Variants in CDH7 observed in about 807,000 individuals in gnomAD.
The protein encoded by CDH7 is cadherin-7.
Under a neutral mutation model 71.8 loss-of-function variants are expected in CDH7, and 25 were observed. The ratio of observed to expected loss-of-function variants is 0.35; its 90% CI spans 0.25 to 0.49. The LOEUF (loss-of-function observed/expected upper bound fraction) is 0.49, where lower values mean the gene tolerates loss of function less well. Among genes scored for constraint, CDH7 ranks in the 20% least tolerant of loss-of-function variants. The probability of loss-of-function intolerance (pLI) is 0.99; values close to 1 mark genes in which losing one functional copy is unlikely to be tolerated. For missense variants in CDH7, 862 were observed against 974.6 expected (o/e 0.88, Z 1.54); for synonymous variants, 381 against 363.8 (o/e 1.05, Z -0.54).
intron 4 of CDH7, among the ~76,000 whole-genome samples, chr18:65,815,227 A>G (rs925560542): frequency 6.6e-6 from 1 of 152,094 alleles, no homozygotes; most frequent in Non-Finnish European, 1.5e-5. Flanking sequence ...ATAACATGGG[A>G]CATTGTTATC....
chr18:65,786,566 G>C (rs1288311239), intron 2 of CDH7, among the ~76,000 whole-genome samples: 2 of 152,046 alleles, frequency 1.3e-5, no homozygotes, highest in East Asian at 3.9e-4. Flanking sequence ...TGTCTGTGAT[G>C]GGATTCAGCC....
At chr18:65,762,600 T>C in intron 1 of CDH7, 47 bp from the exon 2 acceptor site, 1 of 340,984 alleles carries the variant, frequency 2.9e-6, no homozygotes, top group South Asian at 8.6e-5. Flanking sequence ...CTAAATATTA[T>C]TATGTGTTTT....
At chr18:65,795,298 T>G (rs1910871777) in intron 2 of CDH7, among the ~76,000 whole-genome samples, 3 of 152,102 alleles carry the variant, frequency 2.0e-5, no homozygotes, top group Admixed American at 2.0e-4. Context: ...CAGTTGGCAC[T>G]TTTTTTCCCC....
intron 1 of CDH7, among the ~76,000 whole-genome samples, chr18:65,757,123 G>A (rs1389656606): frequency 6.6e-6 from 1 of 151,724 alleles, no homozygotes; most frequent in Non-Finnish European, 1.5e-5. Flanking sequence ...GAGCACGATA[G>A]TCACTTGATC....
intron 1 of CDH7, among the ~76,000 whole-genome samples, chr18:65,758,881 G>A (rs945770476): frequency 2.6e-5 from 4 of 152,140 alleles, no homozygotes; most frequent in African/African-American, 9.7e-5. Flanking sequence ...TACTTCAGTC[G>A]TAGATACTAC....
At chr18:65,758,673 G>C (rs1916103353) in intron 1 of CDH7, among the ~76,000 whole-genome samples, 2 of 152,202 alleles carry the variant, frequency 1.3e-5, no homozygotes, top group Admixed American at 1.3e-4. Context: ...AGCTCAAGAG[G>C]TTGGCAAATA....
At chr18:65,764,492 CTG>C (rs1257803508) in intron 2 of CDH7, among the ~76,000 whole-genome samples, 1 of 151,948 alleles carries the variant, frequency 6.6e-6, no homozygotes, top group Non-Finnish European at 1.5e-5. Context: ...TGCTAAATAT[CTG>C]TCTCACTCTC....
chr18:65,875,554 T>C (rs1490076138), intron 11 of CDH7, among the ~76,000 whole-genome samples: 1 of 152,196 alleles, frequency 6.6e-6, no homozygotes, highest in Admixed American at 6.6e-5. Context: ...TTTGGGAGAA[T>C]GATTCTATCC....
chr18:65,761,194 A>G (rs1346097040), intron 1 of CDH7, among the ~76,000 whole-genome samples: 1 of 152,184 alleles, frequency 6.6e-6, no homozygotes, highest in Admixed American at 6.5e-5. Flanking sequence ...CCTCTGGAAT[A>G]TCAAAACTTT....
intron 2 of CDH7, among the ~76,000 whole-genome samples, chr18:65,768,140 T>G (rs1916432226): frequency 6.6e-6 from 1 of 152,238 alleles, no homozygotes; most frequent in Non-Finnish European, 1.5e-5. Context: ...TTAACAATGT[T>G]TGTGTTTATG....
chr18:65,762,152 C>T (rs1354553753), intron 1 of CDH7, among the ~76,000 whole-genome samples: 45 of 152,280 alleles, frequency 3.0e-4, no homozygotes, highest in Admixed American at 6.5e-5. Flanking sequence ...TGCATCACCT[C>T]ATACTTCTTT....
chr18:65,766,885 T>TAAAAAAAAA lies in CDH7; in HGVS notation c.210+3862_210+3870dup, dbSNP rs61611288. Among the ~76,000 whole-genome samples, 8 of 88,624 alleles carry TAAAAAAAAA rather than the reference T, an allele frequency of 9.0e-5. 1 individual carries two copies. Among genetic ancestry groups the TAAAAAAAAA allele is most frequent in the Admixed American group, 4.5e-4 (3 of 6,594 alleles). The allele number at this position is 88,624 out of a possible 152,430, so 58.1% of individuals were successfully genotyped here. On this transcript the variant is annotated intron_variant, in intron 2 of 11. Coordinates refer to ENST00000397968, the MANE Select transcript of CDH7 (RefSeq NM_004361.5). Reference sequence around the variant, plus strand: ...CTTAACGTCCTGTAACTGTCTGACGTAAAAAAAAAAAAAAAAAAAAAAAAA... The same window carrying TAAAAAAAAA: ...CTTAACGTCCTGTAACTGTCTGACGTAAAAAAAAAAAAAAAAAAAAAAAAAAAAAAAAAA...
intron 2 of CDH7, among the ~76,000 whole-genome samples, chr18:65,779,811 A>G (rs1325053199): frequency 1.4e-5 from 1 of 70,216 alleles, no homozygotes; most frequent in Non-Finnish European, 2.4e-5. Context: ...TCATTTGGGT[A>G]TATACCCAGT....
intron 7 of CDH7, among the ~76,000 whole-genome samples, chr18:65,848,466 C>T (rs1214127320): frequency 1.3e-5 from 2 of 152,116 alleles, no homozygotes; most frequent in African/African-American, 4.8e-5. Context: ...GATAAATAAT[C>T]AGCACTCCAA....
At chr18:65,866,924 T>TA (rs1913780212) in intron 11 of CDH7, among the ~76,000 whole-genome samples, 1 of 152,138 alleles carries the variant, frequency 6.6e-6, no homozygotes, top group South Asian at 2.1e-4. Context: ...TTGAATGAGA[T>TA]AAGCTATTGC....
chr18:65,854,262 C>T (rs544914292), intron 7 of CDH7, among the ~76,000 whole-genome samples: 40 of 151,394 alleles, frequency 2.6e-4, no homozygotes, highest in African/African-American at 9.4e-4. Flanking sequence ...GCCATGCTTG[C>T]ACCACTGTAC....
At chr18:65,843,466 G>C (rs1912809844) in intron 6 of CDH7, among the ~76,000 whole-genome samples, 2 of 152,130 alleles carry the variant, frequency 1.3e-5, no homozygotes, top group Admixed American at 6.6e-5. Flanking sequence ...GGGTAGTACA[G>C]TTAAGTTACA....
chr18:65,799,492 G>C (rs1353862943), intron 2 of CDH7, among the ~76,000 whole-genome samples: 1 of 151,988 alleles, frequency 6.6e-6, no homozygotes, highest in South Asian at 2.1e-4. Context: ...CCTGGCTAAA[G>C]AGGTGAAACC....
chr18:65,828,826 C>G (rs1189966902), intron 6 of CDH7, among the ~76,000 whole-genome samples: 2 of 151,960 alleles, frequency 1.3e-5, no homozygotes, highest in Admixed American at 1.3e-4. Context: ...AGCTTCTCTG[C>G]CTCTTACCCT....
Sources: gnomAD v4.1 joint callset for allele counts (sites outside exome capture counted in the v4.1 genomes callset) on GRCh38, gnomAD v4.1.1 for gene constraint, MANE v1.5 for transcripts, NCBI Gene and HGNC (gene_info 2026-07-23, HGNC 2026-07-21) for gene names.